The following SPTB variants were observed in gnomAD, a reference collection of about 807,000 sequenced individuals.
SPTB encodes spectrin beta chain, erythrocytic.
In SPTB, 45 loss-of-function variants were observed where a neutral mutation model predicts 256.2. The ratio of observed to expected loss-of-function variants is 0.18; its 90% CI spans 0.14 to 0.23. SPTB has a LOEUF of 0.23. SPTB is among the 10% of genes least tolerant of loss of function. The pLI, the probability that SPTB is intolerant of heterozygous loss-of-function variation, is 1.00. For missense variants in SPTB, 2,715 were observed against 3,040.4 expected, an observed-to-expected ratio of 0.89 and a Z score of 2.52; for synonymous variants, 1,231 against 1,243.1, an observed-to-expected ratio of 0.99 and a Z score of 0.21.
At chr14:64,838,052 T>C (rs2083552902) in intron 1 of SPTB, among the ~76,000 whole-genome samples, 1 of 152,192 alleles carries the variant, frequency 6.6e-6, no homozygotes, top group Admixed American at 6.5e-5. Flanking sequence ...CAAGATAGAA[T>C]AGTATGGCAA....
chr14:64,782,961 G>T (rs563352534), intron 19 of SPTB, among the ~76,000 whole-genome samples: 1 of 152,262 alleles, frequency 6.6e-6, no homozygotes, highest in African/African-American at 2.4e-5. Flanking sequence ...ATGACTCAGG[G>T]AGACCGCAGC....
chr14:64,774,549 G>A (rs1237558448), intron 23 of SPTB, 22 bp from the exon 24 acceptor site: 1 of 1,552,068 alleles, frequency 6.4e-7, no homozygotes, highest in South Asian at 1.2e-5. Flanking sequence ...CAGACGGTCA[G>A]CGCCAGAGCT....
chr14:64,770,806 C>A, intron 27 of SPTB, 79 bp downstream of exon 27: 1 of 1,602,876 alleles, frequency 6.2e-7, no homozygotes, highest in Non-Finnish European at 8.5e-7. Flanking sequence ...CACGGAGGAG[C>A]CACAGTGCAG....
intron 33 of SPTB, among the ~76,000 whole-genome samples, chr14:64,751,205 C>A (rs111764716): frequency 6.6e-6 from 1 of 151,372 alleles, no homozygotes; most frequent in South Asian, 2.1e-4. Flanking sequence ...CTGCAACCTC[C>A]GCCTCCCAGG....
chr14:64,787,136 C>T lies in SPTB; in HGVS notation c.2829G>A (p.Val943=). 1 of 1,607,288 alleles carries T rather than the reference C, an allele frequency of 6.2e-7. No individual in the cohort carries two copies. The highest frequency in any genetic ancestry group is 8.5e-7 in the Non-Finnish European group (1 of 1,179,998). The change falls in exon 16 of 36, where the codon GTG becomes GTA. Residue 943 remains valine, a synonymous_variant. Transcript: ENST00000644917. ...NTRWQAFQTL[V]SERREAVDSA... is the part of the protein sequence containing the mutation. ...AGTCCACAGCCTCCCGCCGCTCCGACACCAGGGTCTGAAATGCCTGCCACC... is the reference window on the plus strand; with the variant it reads ...AGTCCACAGCCTCCCGCCGCTCCGATACCAGGGTCTGAAATGCCTGCCACC...
At chr14:64,800,054 G>T in intron 8 of SPTB, 120 bp from the exon 9 acceptor site, 2 of 1,283,078 alleles carry the variant, frequency 1.6e-6, no homozygotes, top group Non-Finnish European at 2.2e-6. Context: ...GCCCTGGAGT[G>T]CTCTAGGCTG....
intron 20 of SPTB, among the ~76,000 whole-genome samples, chr14:64,781,657 C>A (rs2082474386): frequency 6.6e-6 from 1 of 152,160 alleles, no homozygotes; most frequent in African/African-American, 2.4e-5. Flanking sequence ...AGTGGTATGG[C>A]AATTCCTCAA....
At position 64,764,327 on chromosome 14, in the gene SPTB, C is replaced by A. The variant is rs979159261; in HGVS notation, c.6345+2399G>T. Among the ~76,000 whole-genome samples, 3 of 152,242 alleles carry A rather than the reference C, an allele frequency of 2.0e-5. No individual in the cohort carries two copies. Among genetic ancestry groups the A allele is most frequent in the Non-Finnish European group, 4.4e-5 (3 of 68,054 alleles). ...GTGGATGGGGTATTAGGCCCTCCCT[C>A]TGAGGTTCGTGGATCCCCATGAGAA... On this transcript the variant is annotated intron_variant, in intron 32 of 35. Transcript: ENST00000644917. This position sits in a 1 kb window ranked among gnomAD's most constrained non-coding sequence, Gnocchi z 4.2.
In SPTB at chr14:64,793,651, C is replaced by A. The variant is rs2082716296; in HGVS notation, c.2012G>T (p.Ser671Ile). The stretch of plus-strand genomic sequence containing the variant: ...GTGCTTGCGCTGTAAGATGAGCACA[C>A]TGGTCAGGTCTTTGCCATAGTCCAG... ...SSLDYGKDLT[S>I]VLILQRKHKA... Residue 671 changes from serine to isoleucine, a missense_variant, in exon 14 of 36, where the codon AGT (serine) becomes ATT (isoleucine). By Grantham distance (142) the Ser-to-Ile change is moderately radical (BLOSUM62 -2). This residue lies in a region of SPTB where 2,239 missense variants were observed against 2,384.4 expected (regional missense o/e 0.94). Transcript: ENST00000644917. This position sits in a 1 kb window ranked among gnomAD's most constrained non-coding sequence, Gnocchi z 7.0. The A allele has an allele frequency of 6.2e-7, 1 of 1,614,064 alleles. No individual in the cohort carries two copies. The highest frequency in any genetic ancestry group is 8.5e-7 in the Non-Finnish European group (1 of 1,180,058).
Position 64,779,324 on chromosome 14 carries a change from A to T in SPTB, c.4474-78T>A. 1 of 1,210,254 alleles carries T rather than the reference A, an allele frequency of 8.3e-7. No individual in the cohort carries two copies. Among genetic ancestry groups the T allele is most frequent in the Non-Finnish European group, 1.2e-6 (1 of 833,604 alleles). 75.0% of individuals were successfully genotyped at this position (1,210,254 alleles called of 1,614,324 possible). On this transcript the variant is annotated intron_variant, in intron 21 of 35. Coordinates refer to ENST00000644917, the MANE Select transcript of SPTB (RefSeq NM_001355436.2). The surrounding 1 kb of genome is among the most constrained non-coding windows in gnomAD (Gnocchi z 4.2). The stretch of plus-strand genomic sequence containing the variant: ...CCTGAGTGCTCACCATGGGCGGCGC[A>T]GAGCTTTGCTGGCAGTGTCTCCCCA...
intron 15 of SPTB, among the ~76,000 whole-genome samples, 168 bp downstream of exon 15, chr14:64,791,551 G>C (rs2139586086): frequency 7.7e-6 from 1 of 129,754 alleles, no homozygotes; most frequent in South Asian, 2.9e-4. Context: ...GGGTAAAAGA[G>C]TGAGGTTCTG....
chr14:64,833,840 C>T, intron 1 of SPTB, among the ~76,000 whole-genome samples: 1 of 152,142 alleles, frequency 6.6e-6, no homozygotes, highest in East Asian at 1.9e-4. Flanking sequence ...CTGAGAAATG[C>T]AGAGTGCTGC....
chr14:64,864,915 T>TG (rs1491407384), intron 1 of SPTB, among the ~76,000 whole-genome samples: 1 of 152,204 alleles, frequency 6.6e-6, no homozygotes, highest in African/African-American at 2.4e-5. Flanking sequence ...AGTCCTGCAC[T>TG]GACTATGCAA....
chr14:64,790,863 AC>A lies in SPTB; in HGVS notation c.2804+855del, dbSNP rs1269401457. Among the ~76,000 whole-genome samples, 1 of 151,800 alleles carries A rather than the reference AC, an allele frequency of 6.6e-6. No homozygotes were observed. Among genetic ancestry groups the A allele is most frequent in the Non-Finnish European group, 1.5e-5 (1 of 67,944 alleles). On this transcript the variant is annotated intron_variant, in intron 15 of 35. Transcript: ENST00000644917. This position sits in a 1 kb window ranked among gnomAD's most constrained non-coding sequence, Gnocchi z 4.8. ...GGCAATTTCACCCCACACTGAAAGC[AC>A]CCCCTCTCTAAAGGCTCCTTGGGGC... is the stretch of plus-strand genomic sequence containing the variant.
At chr14:64,765,343 C>A (rs558423361) in intron 32 of SPTB, among the ~76,000 whole-genome samples, 1 of 152,236 alleles carries the variant, frequency 6.6e-6, no homozygotes, top group South Asian at 2.1e-4. Context: ...GTGCTGAATT[C>A]TTGCTTTCTT....
At chr14:64,870,067 G>A (rs1165395614) in intron 1 of SPTB, among the ~76,000 whole-genome samples, 2 of 152,052 alleles carry the variant, frequency 1.3e-5, no homozygotes, top group East Asian at 3.9e-4. Context: ...AACTAACAGT[G>A]TAGAAGGCAA....
chr14:64,778,477 C>T lies in SPTB; in HGVS notation c.4563+680G>A, dbSNP rs1484917977. On this transcript the variant is annotated intron_variant, in intron 22 of 35. Coordinates refer to ENST00000644917, the MANE Select transcript of SPTB (RefSeq NM_001355436.2). This position sits in a 1 kb window ranked among gnomAD's most constrained non-coding sequence, Gnocchi z 5.2. ...CATTCCCCTGGCCGCTGCGACCCCA[C>T]ACAGCCAGCTTCCTTACATGATTCA... Among the ~76,000 whole-genome samples the T allele has an allele frequency of 1.3e-5, 2 of 152,216 alleles. No individual in the cohort carries two copies. The highest frequency in any genetic ancestry group is 1.3e-4 in the Admixed American group (2 of 15,286).
intron 2 of SPTB, among the ~76,000 whole-genome samples, chr14:64,809,116 G>T (rs538883858): frequency 1.6e-4 from 24 of 151,944 alleles, no homozygotes; most frequent in African/African-American, 5.8e-4. Flanking sequence ...CAAAAAATTA[G>T]CCAGGCATGG....
chr14:64,771,570 G>A (rs2082278137), intron 26 of SPTB, among the ~76,000 whole-genome samples: 1 of 152,102 alleles, frequency 6.6e-6, no homozygotes. Context: ...TAGTAAAGGG[G>A]TACAGCTGGG....
Sources: gnomAD v4.1 joint callset for allele counts (sites outside exome capture counted in the v4.1 genomes callset) on GRCh38, gnomAD v4.1.1 for gene constraint, gnomAD v4.1.1 regional missense constraint, Gnocchi (gnomAD v3.1) non-coding constraint, MANE v1.5 for transcripts, NCBI Gene and HGNC (gene_info 2026-07-23, HGNC 2026-07-21) for gene names.